The following ANO5 variants were observed in gnomAD, a reference collection of about 807,000 sequenced individuals.
ANO5 encodes anoctamin-5.
ANO5 carries 109 observed loss-of-function variants against 121.0 expected under a neutral mutation model. That is an observed-to-expected ratio of 0.90 (90% CI 0.77 to 1.06). ANO5 has a LOEUF of 1.06. ANO5 is among the 50% of genes least tolerant of loss of function. ANO5 has a pLI of 0.00. For missense variants in ANO5, 1,064 were observed against 1,078.5 expected (o/e 0.99, Z 0.19); for synonymous variants, 406 against 359.9 (o/e 1.13, Z -1.45).
Position 22,239,685 on chromosome 11 carries a change from G to T in ANO5, c.878+1G>T. On this transcript the variant is annotated splice_donor_variant, in intron 9 of 21. Coordinates refer to ENST00000324559, the MANE Select transcript of ANO5 (RefSeq NM_213599.3). LOFTEE classifies it high-confidence loss of function. Reference sequence around the variant, plus strand: ...AGGAGCAGCCTTTAGACTTGATTAAGTAAGTTTCATACACAGGATCAGACC... The same window carrying T: ...AGGAGCAGCCTTTAGACTTGATTAATTAAGTTTCATACACAGGATCAGACC... 1 of 1,583,628 alleles carries T rather than the reference G, an allele frequency of 6.3e-7. No homozygotes were observed. The highest frequency in any genetic ancestry group is 2.2e-5 in the East Asian group (1 of 44,600).
intron 14 of ANO5, among the ~76,000 whole-genome samples, chr11:22,259,188 CA>C (rs1854105105): frequency 6.6e-6 from 1 of 151,628 alleles, no homozygotes; most frequent in Non-Finnish European, 1.5e-5. Context: ...ATTTAAGGAC[CA>C]GATAAGATCA....
rs771649121 is a variant in ANO5 at position 22,257,793 on chromosome 11, A to G, written c.1407+39A>G. ...TAAAAATTGCTATAATTTCTTCAAC[A>G]GGTGATTAAATGAGCTATCTCAACA... On this transcript the variant is annotated intron_variant, in intron 14 of 21. Coordinates refer to ENST00000324559, the MANE Select transcript of ANO5 (RefSeq NM_213599.3). 2.4e-5 allele frequency: 36 copies of G among 1,523,398 alleles called. No individual in the cohort carries two copies. The South Asian group carries it at 3.9e-4, about 17-fold the overall frequency. 94.4% of individuals were successfully genotyped at this position (1,523,398 alleles called of 1,614,324 possible). A position where few individuals can be genotyped will look rare whatever the true frequency, so the allele number is the denominator to read the frequency against.
At chr11:22,272,700 G>C in intron 18 of ANO5, 84 bp from the exon 19 acceptor site, 1 of 1,298,652 alleles carries the variant, frequency 7.7e-7, no homozygotes, top group African/African-American at 1.5e-5. Context: ...ACTCCAAAAC[G>C]AAGGAAGTAG....
Position 22,227,506 on chromosome 11 carries a change from C to T in ANO5, c.568C>T (p.Gln190Ter), listed in dbSNP as rs1852882306. 6.2e-7 allele frequency: 1 copy of T among 1,613,548 alleles called. No homozygotes were observed. Among genetic ancestry groups the T allele is most frequent in the East Asian group, 2.2e-5 (1 of 44,850 alleles). ...KYPHPEYFTA[Q>*]FSRHRQELFL... is the part of the protein sequence containing the mutation. ...TCCCCATCCTGAATATTTTACTGCA[C>T]AATTCAGCAGACATCGGCAGGAGCT... Residue 190 changes from glutamine to a stop codon, truncating the protein, a stop_gained, in exon 7 of 22, where the codon CAA becomes TAA. Coordinates refer to ENST00000324559, the MANE Select transcript of ANO5 (RefSeq NM_213599.3). LOFTEE classifies it high-confidence loss of function.
intron 2 of ANO5, among the ~76,000 whole-genome samples, chr11:22,209,484 T>C (rs1852214921): frequency 6.6e-6 from 1 of 151,890 alleles, no homozygotes; most frequent in South Asian, 2.1e-4. Context: ...AGAAAAAGGT[T>C]ATGAGGCAAA....
intron 1 of ANO5, among the ~76,000 whole-genome samples, chr11:22,201,258 T>C (rs1176962685): frequency 6.6e-6 from 1 of 152,210 alleles, no homozygotes; most frequent in Non-Finnish European, 1.5e-5. Flanking sequence ...CCGTCTTTCA[T>C]TTGCCAATCA....
At chr11:22,206,067 A>T (rs1328040880) in intron 2 of ANO5, among the ~76,000 whole-genome samples, 1 of 152,112 alleles carries the variant, frequency 6.6e-6, no homozygotes, top group African/African-American at 2.4e-5. Flanking sequence ...ATTTTATACA[A>T]TCTCTTCCAG....
intron 3 of ANO5, among the ~76,000 whole-genome samples, chr11:22,215,252 G>A (rs1852403077): frequency 6.6e-6 from 1 of 151,908 alleles, no homozygotes; most frequent in Admixed American, 6.6e-5. Flanking sequence ...TTTAATAACT[G>A]ATATGGCACA....
In ANO5 at chr11:22,263,048, G is replaced by C; in HGVS notation, c.1898+5G>C. ...CATTAAAGAAGCCATTTATCCGTAT[G>C]TATGACTTACAAGCTTTTTATTTGA... On this transcript the variant is annotated splice_donor_5th_base_variant and intron_variant, in intron 17 of 21. Coordinates refer to ENST00000324559, the MANE Select transcript of ANO5 (RefSeq NM_213599.3). The C allele has an allele frequency of 6.3e-7, 1 of 1,597,436 alleles. No individual in the cohort carries two copies. The highest frequency in any genetic ancestry group is 8.6e-7 in the Non-Finnish European group (1 of 1,165,358).
chr11:22,209,603 T>A (rs928439850), intron 2 of ANO5, among the ~76,000 whole-genome samples: 4 of 152,088 alleles, frequency 2.6e-5, no homozygotes, highest in Admixed American at 2.0e-4. Flanking sequence ...ATAATATTTC[T>A]TTAAGAATGC....
intron 12 of ANO5, among the ~76,000 whole-genome samples, chr11:22,254,339 G>T (rs1229650406): frequency 1.3e-5 from 2 of 152,108 alleles, no homozygotes; most frequent in Non-Finnish European, 2.9e-5. Context: ...ATACAATTAT[G>T]AGTTAATATT....
intron 6 of ANO5, 102 bp from the exon 7 acceptor site, chr11:22,227,200 G>T: frequency 6.9e-7 from 1 of 1,457,320 alleles, no homozygotes; most frequent in South Asian, 1.2e-5. Context: ...AAAATGCTTT[G>T]ATGTGTTTGA....
rs1228176618 is a variant in ANO5 at position 22,211,325 on chromosome 11, A to G, written c.138+11A>G. 2 of 1,611,346 alleles carry G rather than the reference A, an allele frequency of 1.2e-6. No homozygotes were observed. Among genetic ancestry groups the G allele is most frequent in the Admixed American group, 3.3e-5 (2 of 59,824 alleles). ...AATGAAGAAACAATGGTAAGCAGCG[A>G]CCAGTACTATCCTTTCTTGCATGGA... On this transcript the variant is annotated intron_variant, in intron 3 of 21. Coordinates refer to ENST00000324559, the MANE Select transcript of ANO5 (RefSeq NM_213599.3).
intron 3 of ANO5, among the ~76,000 whole-genome samples, chr11:22,217,861 T>A (rs1852501955): frequency 1.3e-5 from 2 of 151,898 alleles, no homozygotes; most frequent in South Asian, 4.1e-4. Context: ...AAATAATCTG[T>A]ACAACCAATC....
rs1277595417 is a variant in ANO5, at chr11:22,262,151, G to C, written c.1653G>C (p.Glu551Asp). 1 of 1,613,852 alleles carries C rather than the reference G, an allele frequency of 6.2e-7. No individual in the cohort carries two copies. The highest frequency in any genetic ancestry group is 1.3e-5 in the African/African-American group (1 of 75,014). ...CAGAAATTCCTCGAACATACCAGGA[G>C]TATGAGAGCAGTCTTACCTTGAAAA... is the stretch of plus-strand genomic sequence containing the variant. ...TKMEIPRTYQEYESSLTLKMF... is the reference protein window; with the variant it reads ...TKMEIPRTYQDYESSLTLKMF... Residue 551 changes from glutamate (E) to aspartate (D), a missense_variant, in exon 16 of 22, where the codon GAG becomes GAC. Transcript: ENST00000324559.
In ANO5 at chr11:22,270,409, C is replaced by A; in HGVS notation, c.1996C>A (p.Pro666Thr). 1 of 1,614,100 alleles carries A rather than the reference C, an allele frequency of 6.2e-7. No homozygotes were observed. Among genetic ancestry groups the A allele is most frequent in the South Asian group, 1.1e-5 (1 of 91,088 alleles). Residue 666 changes from proline (P) to threonine (T), a missense_variant, in exon 18 of 22, where the codon CCC (proline) becomes ACC (threonine). Transcript: ENST00000324559. ...GGATCATGACCTTGAAAGTTTTGGACCCCTTGGGCTTTTCTATGAGTACTT... is the reference window on the plus strand; with the variant it reads ...GGATCATGACCTTGAAAGTTTTGGAACCCTTGGGCTTTTCTATGAGTACTT... ...EQDHDLESFG[P>T]LGLFYEYLET...
chr11:22,205,253 C>T (rs1590216939), intron 2 of ANO5, among the ~76,000 whole-genome samples: 1 of 152,052 alleles, frequency 6.6e-6, no homozygotes, highest in African/African-American at 2.4e-5. Flanking sequence ...GGGTATTAGG[C>T]TTAATACCTG....
At chr11:22,205,200 A>G (rs1234032308) in intron 2 of ANO5, among the ~76,000 whole-genome samples, 25 of 151,984 alleles carry the variant, frequency 1.6e-4, no homozygotes, top group Non-Finnish European at 7.4e-5. Flanking sequence ...CTTTTGGAGG[A>G]TGGAGGGTGG....
chr11:22,269,341 A>G (rs553787869), intron 17 of ANO5, among the ~76,000 whole-genome samples: 3 of 135,902 alleles, frequency 2.2e-5, no homozygotes, highest in African/African-American at 8.8e-5. Context: ...AAGAGAAGGA[A>G]AAGGGAAGGG....
Sources: allele counts gnomAD v4.1 joint callset (sites outside exome capture counted in the v4.1 genomes callset), GRCh38; gene constraint gnomAD v4.1.1; transcripts MANE v1.5; gene names NCBI Gene and HGNC (gene_info 2026-07-23, HGNC 2026-07-21).